Variants in ZC3HC1 observed in about 807,000 individuals in gnomAD.
ZC3HC1 encodes zinc finger C3HC-type containing 1, also known as zinc finger C3HC-type protein 1.
Under a neutral mutation model 61.9 loss-of-function variants are expected in ZC3HC1, and 38 were observed. The observed-to-expected ratio is 0.61, with a 90% CI of 0.47 to 0.81. The LOEUF (loss-of-function observed/expected upper bound fraction) is 0.81, where lower values mean the gene tolerates loss of function less well. Among genes scored for constraint, ZC3HC1 ranks in the 30% least tolerant of loss-of-function variants. ZC3HC1 has a pLI of 0.00. For synonymous variants in ZC3HC1, 213 were observed against 229.9 expected (o/e 0.93, Z 0.67); for missense variants, 554 against 622.7 (o/e 0.89, Z 1.17).
rs530428212 is a variant in ZC3HC1, at chr7:130,041,057, G to C, written c.303C>G (p.Val101=). 1 of 1,613,868 alleles carries C rather than the reference G, an allele frequency of 6.2e-7. No individual in the cohort carries two copies. The highest frequency in any genetic ancestry group is 8.5e-7 in the Non-Finnish European group (1 of 1,179,988). Residue 101 remains valine, a synonymous_variant, in exon 3 of 10, where the codon GTC becomes GTG. Transcript: ENST00000358303. ...AGKPFELSPL[V]CAKYGWVTVE... Reference sequence around the variant, plus strand: ...CTGTGACCCAGCCATATTTTGCACAGACGAGTGGAGACAGCTCAAAGGGCT... The same window carrying C: ...CTGTGACCCAGCCATATTTTGCACACACGAGTGGAGACAGCTCAAAGGGCT...
chr7:130,022,527 T>C lies in ZC3HC1; in HGVS notation c.1234-2A>G. ...AAAGAAGCTTCGGGAAGATGTGTCCTGAGGAAGGAGAAAAAGAAATAGCAT... is the reference window on the plus strand; with the variant it reads ...AAAGAAGCTTCGGGAAGATGTGTCCCGAGGAAGGAGAAAAAGAAATAGCAT... On this transcript the variant is annotated splice_acceptor_variant, in intron 8 of 9. Coordinates refer to ENST00000358303, the MANE Select transcript of ZC3HC1 (RefSeq NM_016478.5). LOFTEE classifies it high-confidence loss of function. 11 of 1,614,076 alleles carry C rather than the reference T, an allele frequency of 6.8e-6. No individual in the cohort carries two copies. The highest frequency in any genetic ancestry group is 8.5e-6 in the Non-Finnish European group (10 of 1,179,980).
rs1483840558 is a variant in ZC3HC1, at chr7:130,018,382, G to T, written c.*282C>A. ...GCTCCACATTGAAGATGCTGAAATG[G>T]GTGGTCAGGTCCTTAGTCTTCCTTC... On this transcript the variant is annotated 3_prime_UTR_variant, in exon 10 of 10. Transcript: ENST00000358303. 5.8e-6 allele frequency: 2 copies of T among 346,160 alleles called. No homozygotes were observed. Among genetic ancestry groups the T allele is most frequent in the South Asian group, 8.9e-5 (1 of 11,272 alleles). The allele number at this position is 346,160 out of a possible 1,614,324, so 21.4% of individuals were successfully genotyped here.
intron 2 of ZC3HC1, among the ~76,000 whole-genome samples, chr7:130,047,885 A>T (rs138108074): frequency 6.6e-6 from 1 of 152,216 alleles, no homozygotes; most frequent in Non-Finnish European, 1.5e-5. Context: ...AAATGATGAG[A>T]TGTCACTTTT....
chr7:130,044,255 G>A (rs1301811566), intron 2 of ZC3HC1, among the ~76,000 whole-genome samples: 1 of 152,120 alleles, frequency 6.6e-6, no homozygotes, highest in African/African-American at 2.4e-5. Flanking sequence ...CCTGGGCTCA[G>A]GCAATTCTCC....
intron 2 of ZC3HC1, among the ~76,000 whole-genome samples, chr7:130,047,602 T>G (rs1205395442): frequency 6.8e-6 from 1 of 148,070 alleles, no homozygotes; most frequent in Non-Finnish European, 1.5e-5. Flanking sequence ...GGCCAGGAGT[T>G]CGAGACCTGC....
intron 5 of ZC3HC1, among the ~76,000 whole-genome samples, chr7:130,027,637 C>A (rs1793977818): frequency 6.6e-6 from 1 of 152,096 alleles, no homozygotes; most frequent in Non-Finnish European, 1.5e-5. Flanking sequence ...CCTGCCTCAG[C>A]CTCCCAGGTA....
chr7:130,031,308 G>A (rs1203808253), intron 4 of ZC3HC1, among the ~76,000 whole-genome samples: 1 of 121,862 alleles, frequency 8.2e-6, no homozygotes, highest in Non-Finnish European at 1.6e-5. Flanking sequence ...CTGGGCAACA[G>A]AGCAAAACTC....
At chr7:130,051,443 TC>T, upstream of ZC3HC1, 3 of 1,594,570 alleles carry the variant, frequency 1.9e-6, no homozygotes, top group Non-Finnish European at 2.6e-6. Context: ...AATATCCGCC[TC>T]TTGAGGCAGC....
chr7:130,032,871 AG>A (rs1283755122), intron 4 of ZC3HC1, among the ~76,000 whole-genome samples: 1 of 149,580 alleles, frequency 6.7e-6, no homozygotes, highest in African/African-American at 2.5e-5. Flanking sequence ...GGAGGAAGGG[AG>A]GGATGGACTA....
At position 130,025,798 on chromosome 7, in the gene ZC3HC1, C is replaced by T. The variant is rs544877996; in HGVS notation, c.776+360G>A. Among the ~76,000 whole-genome samples, 498 of 125,774 alleles carry T rather than the reference C, an allele frequency of 4.0e-3. 2 individuals are homozygous for T. The highest frequency in any genetic ancestry group is 0.014 in the African/African-American group (472 of 33,358). 82.5% of individuals were successfully genotyped at this position (125,774 alleles called of 152,430 possible). ...AGGAGAATGGCGTGAACCCGGGAGG[C>T]GGAGCTTGCAGTGAGCTGAGATCGC... On this transcript the variant is annotated intron_variant, in intron 6 of 9. Coordinates refer to ENST00000358303, the MANE Select transcript of ZC3HC1 (RefSeq NM_016478.5).
rs1224181018 is a variant in ZC3HC1 at position 130,039,281 on chromosome 7, T to C, written c.493+183A>G. On this transcript the variant is annotated intron_variant, in intron 4 of 9. Coordinates refer to ENST00000358303, the MANE Select transcript of ZC3HC1 (RefSeq NM_016478.5). ...ATTGCTTGAACGCGGGAGGCGAAGG[T>C]TGCAGTGAGCCAAGATCGCGCCACT... 5 of 584,016 alleles carry C rather than the reference T, an allele frequency of 8.6e-6. No individual in the cohort carries two copies. In the East Asian group the frequency reaches 1.4e-4, roughly 17 times the overall value. The allele number at this position is 584,016 out of a possible 1,614,324, so 36.2% of individuals were successfully genotyped here.
chr7:130,039,397 A>G (rs1794557962), intron 4 of ZC3HC1, 67 bp downstream of exon 4: 1 of 1,321,692 alleles, frequency 7.6e-7, no homozygotes. Flanking sequence ...GGTTTTCACA[A>G]ACAGACAATA....
Position 130,023,355 on chromosome 7 carries a change from A to AT in ZC3HC1, c.1233+155dup, listed in dbSNP as rs1476748507. Among the ~76,000 whole-genome samples, 1 of 152,052 alleles carries AT rather than the reference A, an allele frequency of 6.6e-6. No individual in the cohort carries two copies. Among genetic ancestry groups the AT allele is most frequent in the East Asian group, 1.9e-4 (1 of 5,180 alleles). On this transcript the variant is annotated intron_variant, in intron 8 of 9. Transcript: ENST00000358303. The surrounding 1 kb of genome is among the most constrained non-coding windows in gnomAD (Gnocchi z 4.2). ...AAAAGGAGCAAAAAACATGACTGAC[A>AT]TTTTTTCCCTTTGGTCATCCAACTT...
rs185621013 is a variant in ZC3HC1, at chr7:130,021,895, C to T, written c.1440+424G>A. Among the ~76,000 whole-genome samples the T allele has an allele frequency of 1.9e-3, 288 of 152,268 alleles. 1 individual carries two copies. The highest frequency in any genetic ancestry group is 6.5e-3 in the African/African-American group (271 of 41,560). ...GAATGAGTCTAACTTGACGTATAAG[C>T]CGGGCACGGTGGCTCACGCCTGTAA... On this transcript the variant is annotated intron_variant, in intron 9 of 9. Transcript: ENST00000358303.
At chr7:130,047,490 G>A (rs1794909926) in intron 2 of ZC3HC1, among the ~76,000 whole-genome samples, 1 of 152,168 alleles carries the variant, frequency 6.6e-6, no homozygotes, top group Non-Finnish European at 1.5e-5. Context: ...CCTAGGTCAA[G>A]ACCTTGTTAA....
chr7:130,024,731 C>A (rs543199034), intron 6 of ZC3HC1, among the ~76,000 whole-genome samples: 3 of 151,940 alleles, frequency 2.0e-5, no homozygotes, highest in African/African-American at 7.2e-5. Context: ...TATGGTAAGA[C>A]TGTTTTGCAG....
chr7:130,019,871 T>C (rs1035120841), intron 9 of ZC3HC1, among the ~76,000 whole-genome samples: 11 of 145,410 alleles, frequency 7.6e-5, no homozygotes, highest in Non-Finnish European at 1.5e-4. Context: ...GCTGGAGTGC[T>C]GTGGTGCCAT....
intron 4 of ZC3HC1, among the ~76,000 whole-genome samples, chr7:130,033,741 C>A (rs1228922073): frequency 6.6e-6 from 1 of 151,988 alleles, no homozygotes; most frequent in African/African-American, 2.4e-5. Flanking sequence ...CGTGAGCCAC[C>A]ACGCCTGGCC....
Position 130,022,350 on chromosome 7 carries a change from T to G in ZC3HC1, c.1409A>C (p.Gln470Pro). The G allele has an allele frequency of 6.2e-7, 1 of 1,613,976 alleles. No individual in the cohort carries two copies. Among genetic ancestry groups the G allele is most frequent in the Non-Finnish European group, 8.5e-7 (1 of 1,179,866 alleles). ...AVLTILLAHK[Q>P]SSQPAETDSM... is the part of the protein sequence containing the mutation. ...GTCCGTTTCAGCTGGCTGGCTAGAC[T>G]GTTTGTGCGCCAAGAGGATGGTCAG... The change falls in exon 9 of 10, where the codon CAG (glutamine) becomes CCG (proline). Residue 470 changes from glutamine to proline, a missense_variant. Transcript: ENST00000358303.
Sources: gnomAD v4.1 joint callset for allele counts (sites outside exome capture counted in the v4.1 genomes callset) on GRCh38, gnomAD v4.1.1 for gene constraint, Gnocchi (gnomAD v3.1) non-coding constraint, MANE v1.5 for transcripts, NCBI Gene and HGNC (gene_info 2026-07-23, HGNC 2026-07-21) for gene names.